TUSC3: variants seen among roughly 807,000 people sequenced by gnomAD.
TUSC3 encodes the protein dolichyl-diphosphooligosaccharide--protein glycosyltransferase subunit TUSC3.
In TUSC3, 45 loss-of-function variants were observed where a neutral mutation model predicts 44.8. The ratio of observed to expected loss-of-function variants is 1.00; its 90% CI spans 0.79 to 1.29. The LOEUF (loss-of-function observed/expected upper bound fraction) is 1.29, where lower values mean the gene tolerates loss of function less well. Ranked by LOEUF, TUSC3 falls within the 50% of genes most tolerant of loss-of-function variation. The pLI, the probability that TUSC3 is intolerant of heterozygous loss-of-function variation, is 0.00. For synonymous variants in TUSC3, 212 were observed against 152.9 expected (o/e 1.39, Z -2.85); for missense variants, 519 against 437.9 (o/e 1.19, Z -1.65).
At chr8:15,656,294 T>C (rs916738713) in intron 3 of TUSC3, among the ~76,000 whole-genome samples, 2 of 152,052 alleles carry the variant, frequency 1.3e-5, no homozygotes, top group Admixed American at 6.6e-5. Context: ...CAGATATAGA[T>C]GAGACTCAGG....
intron 1 of TUSC3, among the ~76,000 whole-genome samples, chr8:15,466,418 A>G (rs1800415240): frequency 6.6e-6 from 1 of 152,182 alleles, no homozygotes; most frequent in Non-Finnish European, 1.5e-5. Flanking sequence ...GTATTTTGAA[A>G]TTGTAAAAAC....
intron 1 of TUSC3, among the ~76,000 whole-genome samples, chr8:15,435,555 C>T (rs540351961): frequency 2.6e-5 from 4 of 152,178 alleles, no homozygotes; most frequent in South Asian, 4.1e-4. Context: ...TGGACTGTTT[C>T]CAATTTCCAA....
chr8:15,852,002 A>G, the TUSC3 span, among the ~76,000 whole-genome samples: 207 of 152,190 alleles, frequency 1.4e-3, no homozygotes, highest in African/African-American at 4.7e-3. Flanking sequence ...CCGCCATGTG[A>G]GATGTGCCTT....
chr8:15,704,415 C>CT (rs1563181774), intron 6 of TUSC3, among the ~76,000 whole-genome samples: 1 of 150,890 alleles, frequency 6.6e-6, no homozygotes, highest in Non-Finnish European at 1.5e-5. Context: ...CTTGTAAACT[C>CT]TGTTAGGGAC....
At chr8:15,600,787 T>C (rs750175971) in intron 1 of TUSC3, among the ~76,000 whole-genome samples, 16 of 151,726 alleles carry the variant, frequency 1.1e-4, no homozygotes, top group Non-Finnish European at 1.6e-4. Context: ...TTAATGTTTA[T>C]TTTGTTAGCA....
intron 1 of TUSC3, among the ~76,000 whole-genome samples, chr8:15,613,531 A>G (rs551444207): frequency 2.0e-5 from 3 of 152,228 alleles, no homozygotes; most frequent in East Asian, 1.9e-4. Flanking sequence ...TTCCCTGTAC[A>G]TGCTGTCTCT....
intron 2 of TUSC3, among the ~76,000 whole-genome samples, chr8:15,505,732 A>G (rs1801042894): frequency 6.6e-6 from 1 of 152,216 alleles, no homozygotes; most frequent in Admixed American, 6.5e-5. Context: ...ACTACTTTAT[A>G]ATTGTAAAGT....
chr8:15,631,049 T>G (rs1403382739), intron 2 of TUSC3, among the ~76,000 whole-genome samples: 1 of 152,188 alleles, frequency 6.6e-6, no homozygotes, highest in African/African-American at 2.4e-5. Context: ...TTTTTAAGTT[T>G]CCTTAAATTT....
At chr8:15,512,580 C>G (rs1471393814) in intron 2 of TUSC3, among the ~76,000 whole-genome samples, 2 of 152,064 alleles carry the variant, frequency 1.3e-5, no homozygotes, top group Non-Finnish European at 2.9e-5. Context: ...TGAGACCAGC[C>G]TGGGCAACAT....
intron 2 of TUSC3, among the ~76,000 whole-genome samples, chr8:15,486,931 C>T (rs1276014387): frequency 6.6e-6 from 1 of 152,162 alleles, no homozygotes; most frequent in African/African-American, 2.4e-5. Flanking sequence ...TCACTTAAAT[C>T]TTGCATCTTT....
chr8:15,628,242 TTATC>T (rs1258835992), intron 2 of TUSC3, among the ~76,000 whole-genome samples: 1 of 152,176 alleles, frequency 6.6e-6, no homozygotes, highest in African/African-American at 2.4e-5. Flanking sequence ...AAATATTTTA[TTATC>T]TAAGTATTTA....
intron 2 of TUSC3, among the ~76,000 whole-genome samples, chr8:15,629,811 A>C (rs1229676421): frequency 6.6e-6 from 1 of 151,326 alleles, no homozygotes; most frequent in African/African-American, 2.4e-5. Context: ...CCTTGCTTAA[A>C]GGCTGGTGAA....
intron 2 of TUSC3, among the ~76,000 whole-genome samples, chr8:15,532,540 C>A (rs1340529867): frequency 6.6e-6 from 1 of 152,090 alleles, no homozygotes; most frequent in East Asian, 1.9e-4. Context: ...AGGGCAGGTA[C>A]TGGGGAGAGA....
chr8:15,478,177 G>A (rs1800607718), intron 1 of TUSC3, among the ~76,000 whole-genome samples: 1 of 152,062 alleles, frequency 6.6e-6, no homozygotes, highest in Non-Finnish European at 1.5e-5. Flanking sequence ...TGTGGGCCAG[G>A]CTGGTCTCAA....
At chr8:15,778,105 A>AC in the TUSC3 span, among the ~76,000 whole-genome samples, 5 of 141,664 alleles carry the variant, frequency 3.5e-5, no homozygotes, top group East Asian at 2.1e-4. Context: ...AAGGCAAAAA[A>AC]AAAAAACAAA....
At chr8:15,827,934 A>G in the TUSC3 span, among the ~76,000 whole-genome samples, 1 of 151,888 alleles carries the variant, frequency 6.6e-6, no homozygotes, top group Admixed American at 6.6e-5. Flanking sequence ...TCAATTGTGT[A>G]TATCTCAAAA....
chr8:15,595,066 T>C (rs1372884680), intron 1 of TUSC3, among the ~76,000 whole-genome samples: 1 of 152,194 alleles, frequency 6.6e-6, no homozygotes, highest in Non-Finnish European at 1.5e-5. Flanking sequence ...GAACTTGGGC[T>C]ATTCCCACCA....
chr8:15,770,767 GA>G (rs1417798149), downstream of TUSC3, among the ~76,000 whole-genome samples: 1 of 152,012 alleles, frequency 6.6e-6, no homozygotes, highest in African/African-American at 2.4e-5. Flanking sequence ...TATGAACACA[GA>G]CCAAAAGACT....
At chr8:15,439,754 T>C (rs7829964) in intron 1 of TUSC3, among the ~76,000 whole-genome samples, 24,717 of 152,178 alleles carry the variant, frequency 0.16, 2,080 homozygotes, top group Middle Eastern at 0.22. Flanking sequence ...TCTTAATAAG[T>C]ATTTCCCTCC....
Sources: allele counts gnomAD v4.1 joint callset (sites outside exome capture counted in the v4.1 genomes callset), GRCh38; gene constraint gnomAD v4.1.1; transcripts MANE v1.5; gene names NCBI Gene and HGNC (gene_info 2026-07-23, HGNC 2026-07-21).